The following KIAA1958 variants were observed in gnomAD, a reference collection of about 807,000 sequenced individuals.
KIAA1958 encodes KIAA1958.
KIAA1958 carries 14 observed loss-of-function variants against 47.2 expected under a neutral mutation model. The ratio of observed to expected loss-of-function variants is 0.30; its 90% CI spans 0.20 to 0.46. The LOEUF (loss-of-function observed/expected upper bound fraction) is 0.46. Among genes scored for constraint, KIAA1958 ranks in the 20% least tolerant of loss-of-function variants. The probability of loss-of-function intolerance (pLI) is 1.00; values close to 1 mark genes in which losing one functional copy is unlikely to be tolerated. For synonymous variants in KIAA1958, 354 were observed against 353.3 expected, an observed-to-expected ratio of 1.00 and a Z score of -0.02; for missense variants, 803 against 909.2, an observed-to-expected ratio of 0.88 and a Z score of 1.50.
At chr9:112,591,762 G>C (rs1588031638) in intron 2 of KIAA1958, among the ~76,000 whole-genome samples, 1 of 152,266 alleles carries the variant, frequency 6.6e-6, no homozygotes, top group East Asian at 1.9e-4. Flanking sequence ...GTGTGGTAGT[G>C]TGTGCCTGTG....
rs1835608176 is a variant in KIAA1958, at chr9:112,574,730, C to T, written c.650C>T (p.Ala217Val). 4 of 1,614,032 alleles carry T rather than the reference C, an allele frequency of 2.5e-6. No homozygotes were observed. Among genetic ancestry groups the T allele is most frequent in the Admixed American group, 1.7e-5 (1 of 59,990 alleles). ...IPEDYYIVAN[A>V]ELTGGVDGPA... ...GAAGATTATTACATTGTGGCAAATG[C>T]AGAACTGACAGGAGGAGTAGATGGA... The change falls in exon 2 of 4, where the codon GCA becomes GTA. Residue 217 changes from alanine to valine, a missense_variant. Coordinates refer to ENST00000337530, the MANE Select transcript of KIAA1958 (RefSeq NM_133465.4).
chr9:112,592,273 A>G (rs976097016), intron 2 of KIAA1958, among the ~76,000 whole-genome samples: 4 of 152,220 alleles, frequency 2.6e-5, no homozygotes, highest in African/African-American at 4.8e-5. Flanking sequence ...CTCATATCTA[A>G]CAGGGAGATT....
At chr9:112,605,017 TTA>T (rs1287049408) in intron 2 of KIAA1958, among the ~76,000 whole-genome samples, 37 of 147,732 alleles carry the variant, frequency 2.5e-4, no homozygotes, top group South Asian at 2.1e-4. Context: ...GTTATATATT[TTA>T]TATGTTTATA....
chr9:112,627,109 T>C (rs576970916), intron 2 of KIAA1958, among the ~76,000 whole-genome samples: 6 of 152,364 alleles, frequency 3.9e-5, no homozygotes, highest in South Asian at 2.1e-4. Flanking sequence ...GAAGGAAATA[T>C]TGTAGTTGTC....
intron 2 of KIAA1958, among the ~76,000 whole-genome samples, chr9:112,617,395 A>G (rs1367646969): frequency 6.6e-6 from 1 of 152,242 alleles, no homozygotes; most frequent in Non-Finnish European, 1.5e-5. Context: ...ACAGATTTTT[A>G]GTGATGTGTT....
At chr9:112,644,141 G>A (rs1274055594) in intron 2 of KIAA1958, among the ~76,000 whole-genome samples, 1 of 152,032 alleles carries the variant, frequency 6.6e-6, no homozygotes, top group Non-Finnish European at 1.5e-5. Context: ...TTGCACCACT[G>A]CACTCCAGTC....
intron 3 of KIAA1958, among the ~76,000 whole-genome samples, chr9:112,653,685 G>C: frequency 6.6e-6 from 1 of 152,290 alleles, no homozygotes; most frequent in East Asian, 1.9e-4. Flanking sequence ...CGGATCACTT[G>C]AGGTCAGGAG....
chr9:112,662,465 C>CACACACACAG lies in KIAA1958; in HGVS notation c.*2398_*2399insACACACAGAC, dbSNP rs112901410. ...ATATACATAAGTGTTTACACACACACACGCACAATATGTGGTTAAGCCTGG... is the reference window on the plus strand; with the variant it reads ...ATATACATAAGTGTTTACACACACACACACACACAGACGCACAATATGTGGTTAAGCCTGG... On this transcript the variant is annotated 3_prime_UTR_variant, in exon 4 of 4. Transcript: ENST00000337530. The CACACACACAG allele has an allele frequency of 0.053, 8,003 of 152,308 alleles. 297 individuals are homozygous for CACACACACAG. Among genetic ancestry groups the CACACACACAG allele is most frequent in the East Asian group, 0.12 (619 of 5,192 alleles). The allele number at this position is 152,308 out of a possible 1,614,324, so 9.4% of individuals were successfully genotyped here. A position where few individuals can be genotyped will look rare whatever the true frequency, so the allele number is the denominator to read the frequency against.
chr9:112,496,717 C>G (rs1379547139), intron 1 of KIAA1958, among the ~76,000 whole-genome samples: 4 of 152,124 alleles, frequency 2.6e-5, no homozygotes, highest in African/African-American at 4.8e-5. Context: ...CTTCCTAAAG[C>G]CTCTTAGGTT....
chr9:112,493,166 T>C (rs147470745), intron 1 of KIAA1958, among the ~76,000 whole-genome samples: 1 of 448 alleles, frequency 2.2e-3, no homozygotes, highest in Non-Finnish European at 4.1e-3. Context: ...CTTTTAGTGC[T>C]TTTTTTTTTT....
intron 2 of KIAA1958, among the ~76,000 whole-genome samples, chr9:112,577,519 C>T (rs1035991782): frequency 6.7e-6 from 1 of 150,180 alleles, no homozygotes; most frequent in African/African-American, 2.5e-5. Flanking sequence ...TTTATTTGAA[C>T]TCTCCTGCCC....
At chr9:112,631,295 G>A (rs1312166619) in intron 2 of KIAA1958, among the ~76,000 whole-genome samples, 2 of 152,160 alleles carry the variant, frequency 1.3e-5, no homozygotes, top group Non-Finnish European at 2.9e-5. Context: ...GGCCAAGGCA[G>A]TAGGATCACT....
intron 2 of KIAA1958, among the ~76,000 whole-genome samples, chr9:112,611,902 T>C (rs1200298556): frequency 1.3e-5 from 2 of 151,990 alleles, no homozygotes; most frequent in Non-Finnish European, 2.9e-5. Context: ...GTTAATGGAA[T>C]AGAATTAAAG....
chr9:112,608,683 A>G (rs772148519), intron 2 of KIAA1958, among the ~76,000 whole-genome samples: 1 of 152,022 alleles, frequency 6.6e-6, no homozygotes, highest in Non-Finnish European at 1.5e-5. Flanking sequence ...CCCAGCTACT[A>G]TGGAGGCTGA....
intron 2 of KIAA1958, among the ~76,000 whole-genome samples, chr9:112,636,894 A>G (rs143211760): frequency 4.9e-4 from 75 of 152,264 alleles, no homozygotes; most frequent in African/African-American, 1.3e-3. Flanking sequence ...CTATCATCTT[A>G]CACTTTTTTG....
intron 1 of KIAA1958, among the ~76,000 whole-genome samples, chr9:112,551,517 G>A (rs1331234680): frequency 6.6e-6 from 1 of 152,184 alleles, no homozygotes; most frequent in Admixed American, 6.5e-5. Flanking sequence ...ATGGTAAAAA[G>A]TATTTTTTAA....
At chr9:112,646,829 A>G (rs965919930) in intron 3 of KIAA1958, among the ~76,000 whole-genome samples, 4 of 152,234 alleles carry the variant, frequency 2.6e-5, no homozygotes, top group African/African-American at 7.2e-5. Flanking sequence ...AATCTTGGAC[A>G]TGTGGAGATA....
intron 1 of KIAA1958, among the ~76,000 whole-genome samples, chr9:112,530,297 AT>A (rs1332107809): frequency 1.3e-5 from 2 of 152,132 alleles, no homozygotes; most frequent in African/African-American, 2.4e-5. Context: ...TGTTGCTCAA[AT>A]TGCTCTAGCT....
chr9:112,584,877 C>T (rs1185124309), intron 2 of KIAA1958, among the ~76,000 whole-genome samples: 2 of 152,216 alleles, frequency 1.3e-5, no homozygotes, highest in African/African-American at 4.8e-5. Context: ...ATGCACCATG[C>T]TCCCCGCCCC....
Sources: allele counts gnomAD v4.1 joint callset (sites outside exome capture counted in the v4.1 genomes callset), GRCh38; gene constraint gnomAD v4.1.1; transcripts MANE v1.5; gene names NCBI Gene and HGNC (gene_info 2026-07-23, HGNC 2026-07-21).